Variants in TMEM115 observed in about 807,000 individuals in gnomAD.
The protein encoded by TMEM115 is PP6.
Under a neutral mutation model 20.1 loss-of-function variants are expected in TMEM115, and 8 were observed. The observed-to-expected ratio is 0.40, with a 90% CI of 0.23 to 0.72. The LOEUF (loss-of-function observed/expected upper bound fraction) is 0.72. TMEM115 is among the 30% of genes least tolerant of loss of function. The pLI is 0.39. For synonymous variants in TMEM115, 229 were observed against 206.2 expected, an observed-to-expected ratio of 1.11 and a Z score of -0.95; for missense variants, 374 against 455.1, an observed-to-expected ratio of 0.82 and a Z score of 1.62.
At position 50,358,197 on chromosome 3, in the gene TMEM115, GA is replaced by G; in HGVS notation, c.851+15del. Reference sequence around the variant, plus strand: ...ATGCTCCTAGCTTGACAAGATTTTGGAAAATTTCACAGTACCTTCTCCGCTC... The same window carrying G: ...ATGCTCCTAGCTTGACAAGATTTTGGAAATTTCACAGTACCTTCTCCGCTC... On this transcript the variant is annotated intron_variant, in intron 1 of 1. Transcript: ENST00000266025. 1 of 1,609,040 alleles carries G rather than the reference GA, an allele frequency of 6.2e-7. No individual in the cohort carries two copies. The highest frequency in any genetic ancestry group is 8.5e-7 in the Non-Finnish European group (1 of 1,176,188).
In TMEM115 at chr3:50,354,993, C is replaced by T. The variant is rs1054003307; in HGVS notation, c.*350G>A. ...CATTTTTGGCAAATCCTTGCCTTGGCTCAGGGCTCTCGGCAACCAGTTTCA... is the reference window on the plus strand; with the variant it reads ...CATTTTTGGCAAATCCTTGCCTTGGTTCAGGGCTCTCGGCAACCAGTTTCA... On this transcript the variant is annotated 3_prime_UTR_variant, in exon 2 of 2. Transcript: ENST00000266025. The T allele has an allele frequency of 4.5e-6, 1 of 222,048 alleles. No homozygotes were observed. Among genetic ancestry groups the T allele is most frequent in the African/African-American group, 2.3e-5 (1 of 44,020 alleles). The allele number at this position is 222,048 out of a possible 1,614,324, so 13.8% of individuals were successfully genotyped here. A position where few individuals can be genotyped will look rare whatever the true frequency, so the allele number is the denominator to read the frequency against.
Position 50,358,356 on chromosome 3 carries a change from C to T in TMEM115, c.708G>A (p.Val236=). 6.2e-7 allele frequency: 1 copy of T among 1,613,932 alleles called. No individual in the cohort carries two copies. ...TGTGCACCAAGTTCGCCAGCAAACC[C>T]ACCACAGGCTGCAGGATCTCAGGGA... ...TFFPEILQPV[V]GLLANLVHSL... is the part of the protein sequence containing the mutation. The change falls in exon 1 of 2, where the codon GTG becomes GTA. Residue 236 remains valine, a synonymous_variant. Transcript: ENST00000266025.
At chr3:50,358,148 C>T in intron 1 of TMEM115, 65 bp downstream of exon 1, 1 of 1,577,606 alleles carries the variant, frequency 6.3e-7, no homozygotes, top group Non-Finnish European at 8.6e-7. Context: ...AACACCTCAA[C>T]AGATGGCATG....
intron 1 of TMEM115, among the ~76,000 whole-genome samples, chr3:50,357,407 CT>C (rs1388350456): frequency 6.6e-6 from 1 of 152,224 alleles, no homozygotes; most frequent in Non-Finnish European, 1.5e-5. Flanking sequence ...GAGTAATTGC[CT>C]CAAAACAGTG....
rs762707851 is a variant in TMEM115 at position 50,358,583 on chromosome 3, C to T, written c.481G>A (p.Val161Met). The T allele has an allele frequency of 1.5e-5, 24 of 1,610,884 alleles. No individual in the cohort carries two copies. The highest frequency in any genetic ancestry group is 3.3e-4 in the Middle Eastern group (2 of 6,078). Residue 161 changes from valine to methionine, a missense_variant, in exon 1 of 2, where the codon GTG becomes ATG. Val to Met is a conservative substitution (Grantham distance 21). Transcript: ENST00000266025. The stretch of plus-strand genomic sequence containing the variant: ...ATCACACTGACGCGCACCTGGGGCA[C>T]TCGCAGGACCACACAGTCCCCCATG... Reference protein sequence around the residue: ...QTMGDCVVLRVPQVRVSVMPM... With the variant: ...QTMGDCVVLRMPQVRVSVMPM...
chr3:50,355,833 G>C (rs1703860375), intron 1 of TMEM115, among the ~76,000 whole-genome samples: 1 of 152,270 alleles, frequency 6.6e-6, no homozygotes, highest in Non-Finnish European at 1.5e-5. Context: ...CACGAGGCCA[G>C]CCACCAGGAA....
At chr3:50,355,688 G>A (rs587606584) in intron 1 of TMEM115, 141 bp from the exon 2 acceptor site, 1 of 668,364 alleles carries the variant, frequency 1.5e-6, no homozygotes, top group South Asian at 2.9e-5. Context: ...ACCATGCAGA[G>A]CCTGGGACTC....
chr3:50,358,084 G>T, intron 1 of TMEM115, 129 bp downstream of exon 1: 2 of 1,314,014 alleles, frequency 1.5e-6, no homozygotes, highest in South Asian at 1.4e-5. Flanking sequence ...GACTGATTTT[G>T]TCTTTCCGGA....
chr3:50,355,611 T>C, intron 1 of TMEM115, 64 bp from the exon 2 acceptor site: 1 of 1,431,088 alleles, frequency 7.0e-7, no homozygotes, highest in Non-Finnish European at 9.3e-7. Context: ...CCTCTACCCT[T>C]CCGCAGCAGG....
At chr3:50,355,598 T>C (rs781181968) in intron 1 of TMEM115, 51 bp from the exon 2 acceptor site, 2 of 1,506,550 alleles carry the variant, frequency 1.3e-6, no homozygotes, top group Non-Finnish European at 1.8e-6. Context: ...CCTTGGCTCA[T>C]GCCCTCTACC....
At position 50,359,054 on chromosome 3, in the gene TMEM115, C is replaced by G; in HGVS notation, c.10G>C (p.Ala4Pro). Residue 4 changes from alanine (A) to proline (P), a missense_variant, in exon 1 of 2, where the codon GCC becomes CCC. Ala to Pro is a conservative substitution (Grantham distance 27). Transcript: ENST00000266025. The stretch of plus-strand genomic sequence containing the variant: ...AAGTGCTGGCGGGCGCCTGGCAGGG[C>G]ACGTTGCATCTTCCTGGCGGCTGTC... MQR[A>P]LPGARQHLGA... The G allele has an allele frequency of 6.5e-7, 1 of 1,549,184 alleles. No homozygotes were observed. The highest frequency in any genetic ancestry group is 8.7e-7 in the Non-Finnish European group (1 of 1,146,148).
intron 1 of TMEM115, among the ~76,000 whole-genome samples, chr3:50,355,786 G>A (rs146582711): frequency 2.0e-5 from 3 of 152,320 alleles, no homozygotes; most frequent in South Asian, 2.1e-4. Flanking sequence ...AGGCACCTCC[G>A]GGATGGGAAG....
In TMEM115 at chr3:50,358,974, T is replaced by C. The variant is rs1240041177; in HGVS notation, c.90A>G (p.Val30=). The change falls in exon 1 of 2, where the codon GTA becomes GTG. Residue 30 remains valine (V), a synonymous_variant. Transcript: ENST00000266025. ...CGAAGGAGAGCAGGTAGAGGAATAG[T>C]ACCGCCGCACACAGAGCCTTCACCA... is the stretch of plus-strand genomic sequence containing the variant. The part of the protein sequence containing the change: ...SVVVKALCAA[V]LFLYLLSFAV... 6.2e-7 allele frequency: 1 copy of C among 1,604,470 alleles called. No individual in the cohort carries two copies. The highest frequency in any genetic ancestry group is 8.5e-7 in the Non-Finnish European group (1 of 1,175,962).
At position 50,359,131 on chromosome 3, in the gene TMEM115, A is replaced by G; in HGVS notation, c.-68T>C. The G allele has an allele frequency of 6.9e-7, 1 of 1,455,506 alleles. No homozygotes were observed. Among genetic ancestry groups the G allele is most frequent in the South Asian group, 1.4e-5 (1 of 70,828 alleles). The allele number at this position is 1,455,506 out of a possible 1,614,324, so 90.2% of individuals were successfully genotyped here. On this transcript the variant is annotated 5_prime_UTR_variant, in exon 1 of 2. Coordinates refer to ENST00000266025, the MANE Select transcript of TMEM115 (RefSeq NM_007024.5). Reference sequence around the variant, plus strand: ...AGGGGCCTCCCCGGGGCCTCGTCCTAGTCCGGCCCCGATGGGAGGCCCAGG... The same window carrying G: ...AGGGGCCTCCCCGGGGCCTCGTCCTGGTCCGGCCCCGATGGGAGGCCCAGG...
intron 1 of TMEM115, chr3:50,357,999 A>C (rs1703903402): frequency 1.6e-6 from 1 of 610,512 alleles, no homozygotes; most frequent in Non-Finnish European, 2.8e-6. Flanking sequence ...CTTGAGACTT[A>C]TTAAGTGGCC....
intron 1 of TMEM115, among the ~76,000 whole-genome samples, chr3:50,356,552 CT>C (rs1334879058): frequency 6.6e-6 from 1 of 152,234 alleles, no homozygotes; most frequent in Non-Finnish European, 1.5e-5. Context: ...CGCTTCCCCC[CT>C]GCCCGTCAGT....
intron 1 of TMEM115, among the ~76,000 whole-genome samples, chr3:50,356,894 C>G (rs976517381): frequency 9.9e-5 from 15 of 152,230 alleles, no homozygotes; most frequent in African/African-American, 3.4e-4. Context: ...CTGCTTCCCC[C>G]CTGTCCATTT....
At chr3:50,358,015 G>A in intron 1 of TMEM115, 198 bp downstream of exon 1, 1 of 653,292 alleles carries the variant, frequency 1.5e-6, no homozygotes, top group Admixed American at 3.0e-5. Flanking sequence ...TGGCCCGAGT[G>A]GTGAGAAAAG....
chr3:50,359,139 C>G lies in TMEM115; in HGVS notation c.-76G>C, dbSNP rs1703924192. On this transcript the variant is annotated 5_prime_UTR_variant, in exon 1 of 2. Coordinates refer to ENST00000266025, the MANE Select transcript of TMEM115 (RefSeq NM_007024.5). ...CCCCGGGGCCTCGTCCTAGTCCGGCCCCGATGGGAGGCCCAGGCCCGGCCT... is the reference window on the plus strand; with the variant it reads ...CCCCGGGGCCTCGTCCTAGTCCGGCGCCGATGGGAGGCCCAGGCCCGGCCT... 5.5e-6 allele frequency: 8 copies of G among 1,461,544 alleles called. No individual in the cohort carries two copies. Among genetic ancestry groups the G allele is most frequent in the South Asian group, 2.9e-5 (2 of 69,376 alleles). 90.5% of individuals were successfully genotyped at this position (1,461,544 alleles called of 1,614,324 possible). A position where few individuals can be genotyped will look rare whatever the true frequency, so the allele number is the denominator to read the frequency against.
Sources: gnomAD v4.1 joint callset for allele counts (sites outside exome capture counted in the v4.1 genomes callset) on GRCh38, gnomAD v4.1.1 for gene constraint, MANE v1.5 for transcripts, NCBI Gene and HGNC (gene_info 2026-07-23, HGNC 2026-07-21) for gene names.